The following TEAD1 variants were observed in gnomAD, a reference collection of about 807,000 sequenced individuals.
The protein encoded by TEAD1 is transcriptional enhancer factor TEF-1.
In TEAD1, 9 loss-of-function variants were observed where a neutral mutation model predicts 54.9. That is an observed-to-expected ratio of 0.16 (90% CI 0.10 to 0.29). The LOEUF (loss-of-function observed/expected upper bound fraction) is 0.29. Ranked by LOEUF, TEAD1 falls within the 10% of genes least tolerant of loss-of-function variation. The pLI is 1.00. For synonymous variants in TEAD1, 200 were observed against 187.8 expected, an observed-to-expected ratio of 1.07 and a Z score of -0.53; for missense variants, 387 against 535.9, an observed-to-expected ratio of 0.72 and a Z score of 2.74.
chr11:12,684,236 A>G (rs1402806605), intron 2 of TEAD1, among the ~76,000 whole-genome samples: 1 of 152,202 alleles, frequency 6.6e-6, no homozygotes, highest in Non-Finnish European at 1.5e-5. Context: ...AGTGGAGGAA[A>G]TCCATCAGTA....
intron 10 of TEAD1, among the ~76,000 whole-genome samples, chr11:12,922,267 G>A: frequency 2.0e-5 from 1 of 48,784 alleles, no homozygotes; most frequent in Non-Finnish European, 4.4e-5. Context: ...CGGGATCTCG[G>A]CTCACTGCAA....
At chr11:12,904,643 A>T (rs1202743616) in intron 10 of TEAD1, among the ~76,000 whole-genome samples, 1 of 152,214 alleles carries the variant, frequency 6.6e-6, no homozygotes, top group Non-Finnish European at 1.5e-5. Context: ...TTTTTTAAAA[A>T]TACAGGCATG....
At chr11:12,722,492 G>A (rs61658664) in intron 2 of TEAD1, among the ~76,000 whole-genome samples, 19,191 of 152,134 alleles carry the variant, frequency 0.13, 4,129 homozygotes, top group African/African-American at 0.44. Context: ...GAGAGATATG[G>A]TTGGAAAGAC....
chr11:12,739,767 T>C (rs1289076118), intron 2 of TEAD1, among the ~76,000 whole-genome samples: 1 of 152,156 alleles, frequency 6.6e-6, no homozygotes, highest in Non-Finnish European at 1.5e-5. Context: ...TGTTACTGAT[T>C]ACATGTTAGG....
In TEAD1 at chr11:12,937,736, CTAAT is replaced by C. The variant is rs1175248188; in HGVS notation, c.*517_*520del. On this transcript the variant is annotated 3_prime_UTR_variant, in exon 13 of 13. Coordinates refer to ENST00000527636, the MANE Select transcript of TEAD1 (RefSeq NM_021961.6). ...AGAATCTTTAGACTTATCTTTGTAA[CTAAT>C]TAGGGTGGAAGTTATGAAAGAATGT... 6.5e-6 allele frequency: 1 copy of C among 152,756 alleles called. No individual in the cohort carries two copies. The highest frequency in any genetic ancestry group is 1.9e-4 in the East Asian group (1 of 5,180). 9.5% of individuals were successfully genotyped at this position (152,756 alleles called of 1,614,324 possible).
chr11:12,724,198 T>C (rs1354377217), intron 2 of TEAD1, among the ~76,000 whole-genome samples: 1 of 152,208 alleles, frequency 6.6e-6, no homozygotes, highest in Non-Finnish European at 1.5e-5. Flanking sequence ...CACACTCTCT[T>C]GGGTGTGCAC....
chr11:12,719,983 T>TTTTTTC (rs1944157332), intron 2 of TEAD1, among the ~76,000 whole-genome samples: 1 of 50,690 alleles, frequency 2.0e-5, no homozygotes, highest in Non-Finnish European at 3.3e-5. Context: ...TTTTTTTTTT[T>TTTTTTC]TTTTTTTTTT....
At chr11:12,680,957 A>G (rs1032256401) in intron 2 of TEAD1, among the ~76,000 whole-genome samples, 1 of 152,086 alleles carries the variant, frequency 6.6e-6, no homozygotes, top group African/African-American at 2.4e-5. Context: ...TTTTCAGATC[A>G]CCCATTACTG....
At chr11:12,897,505 G>C (rs1327611391) in intron 9 of TEAD1, among the ~76,000 whole-genome samples, 1 of 152,168 alleles carries the variant, frequency 6.6e-6, no homozygotes. Context: ...GTGGTCTCCA[G>C]GGCACCTTCT....
At chr11:12,753,466 T>G (rs1170235919) in intron 2 of TEAD1, among the ~76,000 whole-genome samples, 1 of 152,258 alleles carries the variant, frequency 6.6e-6, no homozygotes, top group Non-Finnish European at 1.5e-5. Context: ...TTCTAGTGGC[T>G]GGATAGAGGT....
intron 5 of TEAD1, among the ~76,000 whole-genome samples, chr11:12,869,462 C>G (rs1169915770): frequency 6.6e-6 from 1 of 152,172 alleles, no homozygotes; most frequent in Non-Finnish European, 1.5e-5. Flanking sequence ...CTTATGAAGT[C>G]TGAAAAGTGT....
intron 3 of TEAD1, among the ~76,000 whole-genome samples, chr11:12,830,758 GCACGCA>G (rs1328004004): frequency 1.4e-5 from 2 of 147,556 alleles, no homozygotes; most frequent in Admixed American, 1.3e-4. Flanking sequence ...ACACACACAT[GCACGCA>G]CACGCACATG....
intron 3 of TEAD1, chr11:12,848,679 C>T (rs1388768409): frequency 6.6e-6 from 1 of 151,772 alleles, no homozygotes; most frequent in Non-Finnish European, 1.5e-5. Flanking sequence ...GGTGCAGTGG[C>T]TTATGCCTGT....
At chr11:12,715,840 A>G (rs919130957) in intron 2 of TEAD1, among the ~76,000 whole-genome samples, 1 of 152,164 alleles carries the variant, frequency 6.6e-6, no homozygotes, top group Non-Finnish European at 1.5e-5. Flanking sequence ...TGACATTCAC[A>G]TTTAAGGGGG....
intron 3 of TEAD1, among the ~76,000 whole-genome samples, chr11:12,827,891 A>G (rs1023848670): frequency 1.3e-5 from 2 of 152,336 alleles, no homozygotes; most frequent in Non-Finnish European, 1.5e-5. Flanking sequence ...GACAGCTCAA[A>G]TGGATGCTTT....
intron 5 of TEAD1, among the ~76,000 whole-genome samples, chr11:12,868,303 T>A (rs1369004023): frequency 6.6e-6 from 1 of 152,200 alleles, no homozygotes; most frequent in East Asian, 1.9e-4. Context: ...TTCCATTGAA[T>A]CAGGTTTGAA....
At chr11:12,861,100 A>T in intron 3 of TEAD1, among the ~76,000 whole-genome samples, 1 of 152,352 alleles carries the variant, frequency 6.6e-6, no homozygotes, top group Non-Finnish European at 1.5e-5. Flanking sequence ...TTTACTGTAG[A>T]AAGTATGTAG....
chr11:12,789,678 C>T (rs116089178), intron 3 of TEAD1, among the ~76,000 whole-genome samples: 204 of 152,340 alleles, frequency 1.3e-3, no homozygotes, highest in African/African-American at 4.3e-3. Context: ...AGATGCAAGC[C>T]GAGAGTCTCC....
At chr11:12,866,713 C>T (rs1026152193) in intron 5 of TEAD1, among the ~76,000 whole-genome samples, 1 of 152,184 alleles carries the variant, frequency 6.6e-6, no homozygotes. Context: ...CCAAGAACCA[C>T]CTCCGTCTTC....
Sources: gnomAD v4.1 joint callset for allele counts (sites outside exome capture counted in the v4.1 genomes callset) on GRCh38, gnomAD v4.1.1 for gene constraint, MANE v1.5 for transcripts, NCBI Gene and HGNC (gene_info 2026-07-23, HGNC 2026-07-21) for gene names.